Variants in MED12L observed in about 807,000 individuals in gnomAD.
MED12L encodes mediator complex subunit 12L.
A neutral mutation model predicts 281.3 loss-of-function variants in MED12L; 60 were observed. The ratio of observed to expected loss-of-function variants is 0.21; its 90% CI spans 0.17 to 0.26. The LOEUF (loss-of-function observed/expected upper bound fraction) is 0.26, where lower values mean the gene tolerates loss of function less well. Among genes scored for constraint, MED12L ranks in the 10% least tolerant of loss-of-function variants. MED12L has a pLI of 1.00. For missense variants in MED12L, 2,146 were observed against 2,680.9 expected, an observed-to-expected ratio of 0.80 and a Z score of 4.41; for synonymous variants, 974 against 987.2, an observed-to-expected ratio of 0.99 and a Z score of 0.25.
At chr3:151,250,496 A>G (rs1736635516) in intron 16 of MED12L, among the ~76,000 whole-genome samples, 1 of 152,154 alleles carries the variant, frequency 6.6e-6, no homozygotes, top group African/African-American at 2.4e-5. Context: ...TGAATACTCT[A>G]GCTATCTCAT....
intron 5 of MED12L, among the ~76,000 whole-genome samples, chr3:151,154,331 G>GT (rs1433282187): frequency 1.3e-5 from 2 of 151,936 alleles, no homozygotes; most frequent in Non-Finnish European, 2.9e-5. Flanking sequence ...ATTCAGCAAC[G>GT]TTTTTAAAAA....
chr3:151,167,441 A>G lies in MED12L; in HGVS notation c.1494+1459A>G, dbSNP rs1720863402. On this transcript the variant is annotated intron_variant, in intron 11 of 44. Coordinates refer to ENST00000687756, the MANE Select transcript of MED12L (RefSeq NM_001393769.1). ...TATTTCAACTGGCTTTTGGGAATGC[A>G]TATGTGGAAAGAAAAGATGAAACAG... 3.3e-5 allele frequency among the ~76,000 whole-genome samples: 5 copies of G among 152,352 alleles called. No homozygotes were observed. In the South Asian group the frequency reaches 8.3e-4, roughly 25 times the overall value.
At chr3:151,339,457 T>G (rs1345580370) in intron 16 of MED12L, among the ~76,000 whole-genome samples, 1 of 151,962 alleles carries the variant, frequency 6.6e-6, no homozygotes, top group Non-Finnish European at 1.5e-5. Context: ...TGACCTTTTT[T>G]CTTTATATTT....
chr3:151,224,188 T>A (rs866802209), intron 16 of MED12L, among the ~76,000 whole-genome samples: 25 of 152,230 alleles, frequency 1.6e-4, no homozygotes, highest in African/African-American at 6.0e-4. Context: ...ACTTATGACG[T>A]GCATTTTTCT....
chr3:151,325,337 A>G (rs1164016278), intron 16 of MED12L, among the ~76,000 whole-genome samples: 3 of 152,130 alleles, frequency 2.0e-5, no homozygotes, highest in Admixed American at 2.0e-4. Flanking sequence ...TATCCTATTT[A>G]TTTGTACAAG....
intron 16 of MED12L, among the ~76,000 whole-genome samples, chr3:151,228,132 G>A (rs1039555557): frequency 6.6e-6 from 1 of 152,152 alleles, no homozygotes; most frequent in African/African-American, 2.4e-5. Flanking sequence ...TGTGAAGTGT[G>A]CTTTATTTAC....
chr3:151,345,858 T>C (rs1039519164), intron 16 of MED12L, among the ~76,000 whole-genome samples: 4 of 152,128 alleles, frequency 2.6e-5, no homozygotes, highest in African/African-American at 9.7e-5. Flanking sequence ...AAACAAATCT[T>C]GTAGGCTCTT....
intron 11 of MED12L, among the ~76,000 whole-genome samples, chr3:151,169,126 T>G (rs9861205): frequency 0.13 from 18,939 of 141,626 alleles, 811 homozygotes; most frequent in East Asian, 0.18. Flanking sequence ...TTTTTTGTTT[T>G]TTTTTTTTTG....
chr3:151,388,612 A>G lies in MED12L; in HGVS notation c.5451+440A>G, dbSNP rs951583993. ...TTCTTTGATAAAACTTGGAGTTAGCATAGCCAATAGGATGTTCCTGAGATT... is the reference window on the plus strand; with the variant it reads ...TTCTTTGATAAAACTTGGAGTTAGCGTAGCCAATAGGATGTTCCTGAGATT... On this transcript the variant is annotated intron_variant, in intron 37 of 44. Coordinates refer to ENST00000687756, the MANE Select transcript of MED12L (RefSeq NM_001393769.1). Among the ~76,000 whole-genome samples, 5 of 152,218 alleles carry G rather than the reference A, an allele frequency of 3.3e-5. No homozygotes were observed. In the East Asian group the frequency reaches 7.7e-4, roughly 23 times the overall value.
Position 151,416,356 on chromosome 3 carries a change from C to G in MED12L, c.6342C>G (p.Pro2114=). ...QQPQPQQPPQ[P]QQSSQSQSQT... ...CCCAGCCCCAGCAGCCTCCCCAGCC[C>G]CAGCAGTCCTCGCAGTCCCAGAGTC... Residue 2114 remains proline, a synonymous_variant, in exon 43 of 45, where the codon CCC becomes CCG. Transcript: ENST00000687756. The G allele has an allele frequency of 6.2e-7, 1 of 1,611,642 alleles. No individual in the cohort carries two copies. Among genetic ancestry groups the G allele is most frequent in the Non-Finnish European group, 8.5e-7 (1 of 1,178,620 alleles).
intron 16 of MED12L, among the ~76,000 whole-genome samples, chr3:151,214,631 T>C (rs902160063): frequency 1.5e-5 from 2 of 135,810 alleles, no homozygotes; most frequent in African/African-American, 6.8e-5. Flanking sequence ...TCCTTCTTCC[T>C]TTTTTTTGGG....
At chr3:151,385,228 T>C in intron 36 of MED12L, 37 bp downstream of exon 36, 1 of 1,025,686 alleles carries the variant, frequency 9.7e-7, no homozygotes, top group Non-Finnish European at 1.4e-6. Flanking sequence ...ATAAATTTAT[T>C]TACAAAAGAT....
chr3:151,109,894 A>G (rs1260483650), intron 2 of MED12L, among the ~76,000 whole-genome samples: 1 of 152,138 alleles, frequency 6.6e-6, no homozygotes, highest in Admixed American at 6.5e-5. Context: ...CCAGAGCACG[A>G]CCCTGGGAAC....
At chr3:151,095,297 A>C (rs528703114) in intron 2 of MED12L, among the ~76,000 whole-genome samples, 3 of 152,190 alleles carry the variant, frequency 2.0e-5, no homozygotes, top group Non-Finnish European at 2.9e-5. Flanking sequence ...TATTTACACC[A>C]AGGAAATTGG....
chr3:151,086,751 G>T (rs1719272205), intron 1 of MED12L, 47 bp from the exon 2 acceptor site: 1 of 550,220 alleles, frequency 1.8e-6, no homozygotes, highest in South Asian at 2.4e-5. Context: ...CGTGTCTGCT[G>T]CCGGGCAGCG....
chr3:151,402,934 T>C (rs2108305037), intron 39 of MED12L, among the ~76,000 whole-genome samples: 1 of 152,326 alleles, frequency 6.6e-6, no homozygotes, highest in South Asian at 2.1e-4. Context: ...GTAGGACTTC[T>C]GTAACTCTGC....
chr3:151,370,666 G>A (rs1756063362), intron 26 of MED12L, among the ~76,000 whole-genome samples: 1 of 152,210 alleles, frequency 6.6e-6, no homozygotes, highest in Non-Finnish European at 1.5e-5. Flanking sequence ...GGGAAGGTCA[G>A]TTGGTCGGTT....
intron 16 of MED12L, among the ~76,000 whole-genome samples, chr3:151,253,762 C>T (rs1019126510): frequency 1.3e-5 from 2 of 152,042 alleles, no homozygotes; most frequent in African/African-American, 4.8e-5. Context: ...TGCAGCCTCT[C>T]TCATCCATAT....
chr3:151,387,441 A>G (rs1713583100), intron 36 of MED12L, among the ~76,000 whole-genome samples: 1 of 152,238 alleles, frequency 6.6e-6, no homozygotes, highest in African/African-American at 2.4e-5. Context: ...TAAATAGATT[A>G]CAGAGATTTA....
Sources: gnomAD v4.1 joint callset for allele counts (sites outside exome capture counted in the v4.1 genomes callset) on GRCh38, gnomAD v4.1.1 for gene constraint, MANE v1.5 for transcripts, NCBI Gene and HGNC (gene_info 2026-07-23, HGNC 2026-07-21) for gene names.